POLN: variants seen among roughly 807,000 people sequenced by gnomAD.
POLN encodes the protein DNA polymerase N.
In POLN, 108 loss-of-function variants were observed where a neutral mutation model predicts 113.5. The observed-to-expected ratio is 0.95, with a 90% CI of 0.81 to 1.12. The LOEUF (loss-of-function observed/expected upper bound fraction) is 1.12. Ranked by LOEUF, POLN falls within the 50% of genes most tolerant of loss-of-function variation. The pLI, the probability that POLN is intolerant of heterozygous loss-of-function variation, is 0.00. For synonymous variants in POLN, 386 were observed against 391.5 expected (o/e 0.99, Z 0.17); for missense variants, 1,097 against 1,077.1 (o/e 1.02, Z -0.26).
intron 19 of POLN, among the ~76,000 whole-genome samples, chr4:2,125,566 C>T (rs1731558179): frequency 6.6e-6 from 1 of 152,152 alleles, no homozygotes; most frequent in Non-Finnish European, 1.5e-5. Context: ...CTTGCAACTT[C>T]CGCCAGCACC....
intron 6 of POLN, among the ~76,000 whole-genome samples, chr4:2,194,688 T>C (rs1451442401): frequency 6.6e-6 from 1 of 152,146 alleles, no homozygotes; most frequent in Non-Finnish European, 1.5e-5. Context: ...TATTTTTATC[T>C]TGATAAAACA....
intron 23 of POLN, chr4:2,078,524 G>A (rs918490017): frequency 7.0e-6 from 6 of 851,962 alleles, no homozygotes; most frequent in Admixed American, 1.3e-4. Flanking sequence ...AGGCTGGAGT[G>A]AAGTGGTGCG....
At chr4:2,107,547 T>C (rs896784688) in intron 19 of POLN, among the ~76,000 whole-genome samples, 13 of 151,142 alleles carry the variant, frequency 8.6e-5, no homozygotes, top group African/African-American at 3.2e-4. Context: ...TGGATTGGGG[T>C]TGGGGAGTGG....
chr4:2,073,293 CA>C (rs948657504), intron 24 of POLN, among the ~76,000 whole-genome samples: 1 of 152,234 alleles, frequency 6.6e-6, no homozygotes, highest in Admixed American at 6.5e-5. Flanking sequence ...GCCCTCGCTG[CA>C]GCCCCTCCTC....
chr4:2,170,654 A>G, intron 13 of POLN, 25 bp downstream of exon 13: 1 of 1,590,338 alleles, frequency 6.3e-7, no homozygotes, highest in Non-Finnish European at 8.6e-7. Context: ...TTCTAAAAAG[A>G]AAAAGGATAA....
At chr4:2,203,135 C>CT (rs771342511) in intron 5 of POLN, among the ~76,000 whole-genome samples, 11 of 152,222 alleles carry the variant, frequency 7.2e-5, no homozygotes, top group African/African-American at 2.4e-4. Context: ...GAAAATTGAA[C>CT]TTATATTAAG....
chr4:2,162,917 T>G (rs1481604086), intron 13 of POLN, among the ~76,000 whole-genome samples: 4 of 151,698 alleles, frequency 2.6e-5, no homozygotes, highest in African/African-American at 9.7e-5. Flanking sequence ...AGTCTTGATA[T>G]TCAATAGACT....
In POLN at chr4:2,241,524, A is replaced by G. The variant is rs539304819; in HGVS notation, c.-17T>C. The G allele has an allele frequency of 2.0e-6, 2 of 985,798 alleles. No homozygotes were observed. Among genetic ancestry groups the G allele is most frequent in the East Asian group, 2.3e-4 (2 of 8,842 alleles). The allele number at this position is 985,798 out of a possible 1,614,324, so 61.1% of individuals were successfully genotyped here. A position where few individuals can be genotyped will look rare whatever the true frequency, so the allele number is the denominator to read the frequency against. On this transcript the variant is annotated 5_prime_UTR_variant, in exon 2 of 26. Transcript: ENST00000511885. ...GAAGATCAACTAAATATTTACCTCA[A>G]CGTCTCGCCGGGCAAGGCTCCACCT...
chr4:2,187,232 TTG>T (rs1240123175), intron 7 of POLN, among the ~76,000 whole-genome samples: 1 of 141,294 alleles, frequency 7.1e-6, no homozygotes, highest in Non-Finnish European at 1.5e-5. Flanking sequence ...CCCAAATTTT[TTG>T]TTTGTTTGTT....
intron 23 of POLN, chr4:2,080,724 C>T: frequency 7.1e-7 from 1 of 1,414,800 alleles, no homozygotes; most frequent in Non-Finnish European, 9.2e-7. Flanking sequence ...CTGGGGGAGA[C>T]AGCATTTCTG....
intron 5 of POLN, among the ~76,000 whole-genome samples, chr4:2,203,413 G>C (rs548351740): frequency 3.3e-4 from 50 of 151,610 alleles, no homozygotes; most frequent in African/African-American, 1.2e-3. Flanking sequence ...AATTCCATCT[G>C]TACTAAAAAT....
intron 23 of POLN, chr4:2,076,752 A>G (rs1482112370): frequency 6.6e-6 from 1 of 152,314 alleles, no homozygotes; most frequent in East Asian, 1.9e-4. Context: ...CCCAGCTGGG[A>G]TAAGGGGCAG....
rs569192128 is a variant in POLN at position 2,214,959 on chromosome 4, A to T, written c.134-1833T>A. 2.6e-5 allele frequency among the ~76,000 whole-genome samples: 4 copies of T among 151,670 alleles called. No homozygotes were observed. In the East Asian group the frequency reaches 5.8e-4, roughly 22 times the overall value. On this transcript the variant is annotated intron_variant, in intron 3 of 25. Transcript: ENST00000511885. ...CCTCAGCCATATATATATGAGAGAC[A>T]GAGTGCTCTTGCCTTAACAAAAACA... is the stretch of plus-strand genomic sequence containing the variant.
intron 23 of POLN, 160 bp downstream of exon 23, chr4:2,080,798 G>C (rs966367873): frequency 1.3e-6 from 2 of 1,498,792 alleles, no homozygotes; most frequent in Non-Finnish European, 1.8e-6. Context: ...CATGCCTGCT[G>C]TGAGTAGCCC....
At chr4:2,123,540 G>A (rs1198432054) in intron 19 of POLN, among the ~76,000 whole-genome samples, 1 of 148,294 alleles carries the variant, frequency 6.7e-6, no homozygotes, top group Non-Finnish European at 1.5e-5. Flanking sequence ...GGCAGGAATC[G>A]CTTGATCCTG....
At chr4:2,108,454 T>A (rs1731119722) in intron 19 of POLN, among the ~76,000 whole-genome samples, 1 of 152,148 alleles carries the variant, frequency 6.6e-6, no homozygotes, top group South Asian at 2.1e-4. Context: ...GCTATTTTTA[T>A]TGTTAAAGGG....
chr4:2,163,456 G>A (rs1732651155), intron 13 of POLN, among the ~76,000 whole-genome samples: 1 of 152,240 alleles, frequency 6.6e-6, no homozygotes, highest in Non-Finnish European at 1.5e-5. Flanking sequence ...GCTGGCTGAG[G>A]GCCAGAGGTG....
intron 3 of POLN, among the ~76,000 whole-genome samples, chr4:2,220,785 AT>A (rs1734234636): frequency 6.6e-6 from 1 of 152,188 alleles, no homozygotes; most frequent in Admixed American, 6.5e-5. Flanking sequence ...CGACAGGGTT[AT>A]TTTGTGACTT....
intron 16 of POLN, among the ~76,000 whole-genome samples, chr4:2,135,850 AG>A (rs1360539202): frequency 6.6e-6 from 1 of 152,224 alleles, no homozygotes; most frequent in East Asian, 1.9e-4. Context: ...GCTAGCACGC[AG>A]GGGAACCGTT....
Sources: gnomAD v4.1 joint callset for allele counts (sites outside exome capture counted in the v4.1 genomes callset) on GRCh38, gnomAD v4.1.1 for gene constraint, MANE v1.5 for transcripts, NCBI Gene and HGNC (gene_info 2026-07-23, HGNC 2026-07-21) for gene names.